The following DNAI7 variants were observed in gnomAD, a reference collection of about 807,000 sequenced individuals.
DNAI7 encodes the protein cancer susceptibility 1.
Under a neutral mutation model 86.6 loss-of-function variants are expected in DNAI7, and 78 were observed. The ratio of observed to expected loss-of-function variants is 0.90; its 90% CI spans 0.75 to 1.09. The LOEUF is 1.09. Ranked by LOEUF, DNAI7 falls within the 50% of genes least tolerant of loss-of-function variation. The probability of loss-of-function intolerance (pLI) is 0.00; values close to 1 mark genes in which losing one functional copy is unlikely to be tolerated. For missense variants in DNAI7, 753 were observed against 810.2 expected, an observed-to-expected ratio of 0.93 and a Z score of 0.86; for synonymous variants, 274 against 273.0, an observed-to-expected ratio of 1.00 and a Z score of -0.04.
chr12:25,163,387 C>T (rs960148906), intron 2 of DNAI7, among the ~76,000 whole-genome samples: 13 of 152,182 alleles, frequency 8.5e-5, no homozygotes, highest in African/African-American at 2.4e-4. Context: ...CCTGGCTCAT[C>T]CTGGCTTAAA....
At chr12:25,108,022 T>C, downstream of DNAI7, 2 of 1,614,096 alleles carry the variant, frequency 1.2e-6, no homozygotes, top group Admixed American at 1.7e-5. Flanking sequence ...CTTGTGGCCA[T>C]TTACCAGACT....
rs147374073 is a variant in DNAI7, at chr12:25,181,528, C to T, written c.21+9086G>A. Among the ~76,000 whole-genome samples the T allele has an allele frequency of 2.1e-3, 323 of 152,144 alleles. 1 individual carries two copies. The highest frequency in any genetic ancestry group is 4.0e-3 in the Non-Finnish European group (275 of 67,966). On this transcript the variant is annotated intron_variant, in intron 2 of 15. Transcript: ENST00000395987. ...ACCTTAAAAGCAATTGCAACAAAAA[C>T]AAAAATTGATGAATGGGACTTAATT...
At chr12:25,131,832 T>C (rs551006163) in intron 9 of DNAI7, among the ~76,000 whole-genome samples, 2 of 152,290 alleles carry the variant, frequency 1.3e-5, no homozygotes, top group East Asian at 1.9e-4. Context: ...TAAACATTCA[T>C]TGAGCCCTTA....
chr12:25,161,240 G>A (rs1428218133), intron 2 of DNAI7, 43 bp from the exon 3 acceptor site: 2 of 1,520,162 alleles, frequency 1.3e-6, no homozygotes, highest in African/African-American at 1.4e-5. Flanking sequence ...TAACATGCAA[G>A]TTACTTGAAA....
intron 1 of DNAI7, among the ~76,000 whole-genome samples, chr12:25,191,467 G>A (rs560972240): frequency 1.3e-5 from 2 of 152,234 alleles, no homozygotes; most frequent in East Asian, 1.9e-4. Context: ...GACTTTGGGC[G>A]GCTGAGGAAG....
intron 3 of DNAI7, among the ~76,000 whole-genome samples, chr12:25,160,631 G>A (rs1370368238): frequency 6.6e-6 from 1 of 152,186 alleles, no homozygotes; most frequent in Admixed American, 6.5e-5. Context: ...ACAGGCGCCA[G>A]GGATAAGAAC....
intron 13 of DNAI7, among the ~76,000 whole-genome samples, chr12:25,112,413 T>TG (rs1939061746): frequency 7.0e-6 from 1 of 142,812 alleles, no homozygotes; most frequent in Non-Finnish European, 1.5e-5. Context: ...TTTTTTTTTT[T>TG]TTTTTTTTTT....
chr12:25,187,669 T>G (rs1340899016), intron 2 of DNAI7, among the ~76,000 whole-genome samples: 2 of 152,194 alleles, frequency 1.3e-5, no homozygotes, highest in Non-Finnish European at 2.9e-5. Flanking sequence ...TGTAGCATAC[T>G]TTCAATGAGA....
At chr12:25,193,683 TAAG>T (rs141038276) in intron 1 of DNAI7, among the ~76,000 whole-genome samples, 75,203 of 151,754 alleles carry the variant, frequency 0.5, 19,470 homozygotes, top group East Asian at 0.79. Flanking sequence ...GAGAAGGATC[TAAG>T]AAGAAGAAGA....
chr12:25,159,767 ATTGTAT>A (rs1366894834), intron 3 of DNAI7, among the ~76,000 whole-genome samples: 2 of 152,160 alleles, frequency 1.3e-5, no homozygotes, highest in Non-Finnish European at 1.5e-5. Flanking sequence ...AGATCCTGAT[ATTGTAT>A]TTGTATCAGG....
intron 15 of DNAI7, 104 bp downstream of exon 15, chr12:25,110,023 A>T (rs1422061085): frequency 1.5e-5 from 10 of 645,494 alleles, no homozygotes; most frequent in African/African-American, 5.5e-5. Context: ...TAATTTTTTT[A>T]ACTTTTCTAA....
intron 2 of DNAI7, among the ~76,000 whole-genome samples, chr12:25,186,849 T>C (rs1440232998): frequency 6.6e-6 from 1 of 152,128 alleles, no homozygotes; most frequent in Non-Finnish European, 1.5e-5. Context: ...CATCTGAAGA[T>C]TGATTTCCAT....
intron 9 of DNAI7, among the ~76,000 whole-genome samples, chr12:25,144,143 T>C (rs1944533364): frequency 6.6e-6 from 1 of 152,184 alleles, no homozygotes; most frequent in African/African-American, 2.4e-5. Context: ...AAATAAGCAA[T>C]TCCTGTGCTG....
At chr12:25,129,523 C>T (rs1235604696) in intron 9 of DNAI7, among the ~76,000 whole-genome samples, 2 of 152,156 alleles carry the variant, frequency 1.3e-5, no homozygotes, top group African/African-American at 2.4e-5. Context: ...AGCTCTGATG[C>T]TAGGTTTTTT....
chr12:25,128,747 A>G (rs1942478254), intron 9 of DNAI7, among the ~76,000 whole-genome samples: 1 of 152,222 alleles, frequency 6.6e-6, no homozygotes. Context: ...TCATCTTTCT[A>G]TAACTCTTAC....
intron 8 of DNAI7, among the ~76,000 whole-genome samples, chr12:25,145,915 A>G (rs920014020): frequency 1.1e-4 from 17 of 152,218 alleles, no homozygotes; most frequent in African/African-American, 4.1e-4. Context: ...TGTCCAAGAA[A>G]TACACATATG....
chr12:25,110,776 C>A (rs1439472176), intron 14 of DNAI7, among the ~76,000 whole-genome samples: 1 of 152,138 alleles, frequency 6.6e-6, no homozygotes, highest in Non-Finnish European at 1.5e-5. Flanking sequence ...TTCCATAGCA[C>A]TTTTCACCTT....
rs776701444 is a variant in DNAI7 at position 25,144,530 on chromosome 12, G to A, written c.837C>T (p.Tyr279=). 2 of 1,614,066 alleles carry A rather than the reference G, an allele frequency of 1.2e-6. No individual in the cohort carries two copies. The highest frequency in any genetic ancestry group is 1.7e-5 in the Admixed American group (1 of 60,018). The change falls in exon 9 of 16, where the codon TAC becomes TAT. Residue 279 remains tyrosine, a synonymous_variant. Transcript: ENST00000395987. Reference sequence around the variant, plus strand: ...TGACAAGCTCAGTTACTGCAGAAGTGTATTCTTTTGATGGTGTTGAAACAG... The same window carrying A: ...TGACAAGCTCAGTTACTGCAGAAGTATATTCTTTTGATGGTGTTGAAACAG... The part of the protein sequence containing the change: ...LHPVSTPSKE[Y]TSAVTELVKD...
intron 15 of DNAI7, among the ~76,000 whole-genome samples, chr12:25,109,405 A>T (rs2140315957): frequency 6.7e-6 from 1 of 149,186 alleles, no homozygotes; most frequent in Non-Finnish European, 1.5e-5. Context: ...TTTTTTTAAG[A>T]GATGGGGGTC....
Sources: gnomAD v4.1 joint callset for allele counts (sites outside exome capture counted in the v4.1 genomes callset) on GRCh38, gnomAD v4.1.1 for gene constraint, MANE v1.5 for transcripts, NCBI Gene and HGNC (gene_info 2026-07-23, HGNC 2026-07-21) for gene names.